The following KIF13B variants were observed in gnomAD, a reference collection of about 807,000 sequenced individuals.
The protein encoded by KIF13B is kinesin-like protein KIF13B.
Under a neutral mutation model 222.0 loss-of-function variants are expected in KIF13B, and 127 were observed. That is an observed-to-expected ratio of 0.57 (90% confidence interval 0.50 to 0.66). KIF13B has a LOEUF of 0.66. Ranked by LOEUF, KIF13B falls within the 30% of genes least tolerant of loss-of-function variation. The pLI, the probability that KIF13B is intolerant of heterozygous loss-of-function variation, is 0.00. For synonymous variants in KIF13B, 976 were observed against 919.0 expected (o/e 1.06, Z -1.12); for missense variants, 2,173 against 2,379.0 (o/e 0.91, Z 1.80).
Position 29,150,022 on chromosome 8 carries a change from G to A in KIF13B, c.1622+275C>T, listed in dbSNP as rs543692966. On this transcript the variant is annotated intron_variant, in intron 15 of 39. Transcript: ENST00000524189. The stretch of plus-strand genomic sequence containing the variant: ...ACATTAATAAATTCTTACACCACAC[G>A]GCAAAAGAATCATCTTCTAGTGGGA... Among the ~76,000 whole-genome samples, 7 of 152,068 alleles carry A rather than the reference G, an allele frequency of 4.6e-5. No homozygotes were observed. The East Asian group carries it at 7.7e-4, about 17-fold the overall frequency.
intron 10 of KIF13B, among the ~76,000 whole-genome samples, chr8:29,172,943 T>C (rs1212710973): frequency 6.6e-6 from 1 of 151,558 alleles, no homozygotes. Context: ...GAGAGGGTTG[T>C]CTTACTCTGT....
In KIF13B at chr8:29,146,639, G is replaced by A. The variant is rs1018653424; in HGVS notation, c.2025-99C>T. On this transcript the variant is annotated intron_variant, in intron 17 of 39. Transcript: ENST00000524189. Reference sequence around the variant, plus strand: ...TGGTAGTACATCATTGCCAAAGTGTGAATTGAGCTTTTTCCGTGGTCGTCT... The same window carrying A: ...TGGTAGTACATCATTGCCAAAGTGTAAATTGAGCTTTTTCCGTGGTCGTCT... 1.6e-5 allele frequency: 18 copies of A among 1,105,620 alleles called. No individual in the cohort carries two copies. The East Asian group carries it at 4.1e-4, about 25-fold the overall frequency. The allele number at this position is 1,105,620 out of a possible 1,614,324, so 68.5% of individuals were successfully genotyped here.
intron 22 of KIF13B, 71 bp downstream of exon 22, chr8:29,133,969 C>A: frequency 1.4e-6 from 2 of 1,425,084 alleles, no homozygotes; most frequent in East Asian, 2.4e-5. Context: ...GTCAAAGAAA[C>A]AAGGTTCATT....
intron 35 of KIF13B, among the ~76,000 whole-genome samples, chr8:29,105,565 G>C (rs1809015700): frequency 1.3e-5 from 2 of 151,648 alleles, no homozygotes; most frequent in South Asian, 2.1e-4. Flanking sequence ...TGCACGTGAG[G>C]GACAGTACTT....
At chr8:29,158,000 A>G (rs184244313) in intron 13 of KIF13B, among the ~76,000 whole-genome samples, 106 of 152,286 alleles carry the variant, frequency 7.0e-4, no homozygotes, top group African/African-American at 2.5e-3. Flanking sequence ...TGCCAGCTAC[A>G]TCGGCCTCCC....
chr8:29,075,920 G>A (rs1444573085), intron 37 of KIF13B, among the ~76,000 whole-genome samples: 1 of 152,226 alleles, frequency 6.6e-6, no homozygotes, highest in Non-Finnish European at 1.5e-5. Flanking sequence ...CAGAGACACT[G>A]TCCGGGTGGG....
intron 18 of KIF13B, 66 bp from the exon 19 acceptor site, chr8:29,142,369 C>T: frequency 7.2e-7 from 1 of 1,383,668 alleles, no homozygotes; most frequent in Non-Finnish European, 1.0e-6. Context: ...GCTGACAATT[C>T]CACCCCCATC....
At position 29,157,392 on chromosome 8, in the gene KIF13B, C is replaced by CAAA. The variant is rs371702237; in HGVS notation, c.1405-1539_1405-1537dup. On this transcript the variant is annotated intron_variant, in intron 13 of 39. Transcript: ENST00000524189. ...CAACACAGTGAGACCTCGTCTCTAC[C>CAAA]AAAAAAAAAAAAAAAAAAAAAAAAT... Among the ~76,000 whole-genome samples, 595 of 89,104 alleles carry CAAA rather than the reference C, an allele frequency of 6.7e-3. 8 individuals are homozygous for CAAA. Among genetic ancestry groups the CAAA allele is most frequent in the African/African-American group, 0.024 (538 of 22,792 alleles). The allele number at this position is 89,104 out of a possible 152,430, so 58.5% of individuals were successfully genotyped here. A position where few individuals can be genotyped will look rare whatever the true frequency, so the allele number is the denominator to read the frequency against.
chr8:29,139,893 C>T (rs1810732487), intron 21 of KIF13B, among the ~76,000 whole-genome samples, 170 bp downstream of exon 21: 1 of 152,178 alleles, frequency 6.6e-6, no homozygotes, highest in Admixed American at 6.5e-5. Context: ...CTCTGCTCTA[C>T]TTCCAAAATT....
At chr8:29,182,644 C>G (rs1477163955) in intron 6 of KIF13B, among the ~76,000 whole-genome samples, 1 of 149,870 alleles carries the variant, frequency 6.7e-6, no homozygotes, top group Admixed American at 6.6e-5. Context: ...CTAATAAACC[C>G]AATAAAGGAC....
chr8:29,147,380 T>G lies in KIF13B; in HGVS notation c.2024+12A>C, dbSNP rs1563740100. On this transcript the variant is annotated intron_variant, in intron 17 of 39. Coordinates refer to ENST00000524189, the MANE Select transcript of KIF13B (RefSeq NM_015254.4). ...GAGCTATAAAGTTAACAGGCCCCTC[T>G]GTGCCGCCTACCTCTCCTCAGCCCA... The G allele has an allele frequency of 1.5e-5, 24 of 1,587,786 alleles. No homozygotes were observed. The highest frequency in any genetic ancestry group is 2.1e-5 in the Non-Finnish European group (24 of 1,167,216).
intron 7 of KIF13B, 61 bp from the exon 8 acceptor site, chr8:29,180,299 T>G (rs1812658582): frequency 6.6e-7 from 1 of 1,525,874 alleles, no homozygotes; most frequent in Admixed American, 1.7e-5. Context: ...ACTAAAATCC[T>G]GCTATACTAC....
At chr8:29,175,959 C>T in intron 10 of KIF13B, 109 bp downstream of exon 10, 1 of 690,140 alleles carries the variant, frequency 1.4e-6, no homozygotes, top group Non-Finnish European at 2.6e-6. Flanking sequence ...TATACATTTG[C>T]ACACCGATAG....
intron 32 of KIF13B, among the ~76,000 whole-genome samples, chr8:29,112,578 C>A (rs989513342): frequency 6.6e-6 from 1 of 152,072 alleles, no homozygotes; most frequent in East Asian, 1.9e-4. Flanking sequence ...GTATGAGGGG[C>A]GTCTTCTGAT....
chr8:29,224,395 G>A (rs990202263), intron 2 of KIF13B, among the ~76,000 whole-genome samples: 2 of 152,174 alleles, frequency 1.3e-5, no homozygotes, highest in African/African-American at 4.8e-5. Context: ...GCCGGGCATG[G>A]TGGCTTATTT....
At chr8:29,122,084 C>G (rs1030322020) in intron 29 of KIF13B, among the ~76,000 whole-genome samples, 4 of 152,020 alleles carry the variant, frequency 2.6e-5, no homozygotes, top group African/African-American at 9.7e-5. Context: ...GAAACCCCGT[C>G]TCTACTAAAA....
intron 1 of KIF13B, among the ~76,000 whole-genome samples, chr8:29,257,377 G>A (rs1465946434): frequency 6.6e-6 from 1 of 151,656 alleles, no homozygotes; most frequent in Non-Finnish European, 1.5e-5. Flanking sequence ...CAAACACAAG[G>A]GGAACTTGAG....
intron 24 of KIF13B, among the ~76,000 whole-genome samples, chr8:29,129,033 G>A (rs935456555): frequency 6.6e-6 from 1 of 152,074 alleles, no homozygotes; most frequent in Admixed American, 6.6e-5. Context: ...TATGGCCTCT[G>A]TGTCTTTATT....
intron 30 of KIF13B, among the ~76,000 whole-genome samples, chr8:29,118,419 C>T (rs200108357): frequency 6.6e-6 from 1 of 151,998 alleles, no homozygotes. Context: ...CACTTGAACC[C>T]GGGAGGCAGA....
Sources: allele counts gnomAD v4.1 joint callset (sites outside exome capture counted in the v4.1 genomes callset), GRCh38; gene constraint gnomAD v4.1.1; transcripts MANE v1.5; gene names NCBI Gene and HGNC (gene_info 2026-07-23, HGNC 2026-07-21).